Variants in MAST2 observed in about 807,000 individuals in gnomAD.
MAST2 encodes microtubule associated serine/threonine kinase 2.
A neutral mutation model predicts 147.4 loss-of-function variants in MAST2; 70 were observed. The observed-to-expected ratio is 0.47, with a 90% CI of 0.39 to 0.58. The LOEUF (loss-of-function observed/expected upper bound fraction) is 0.58. MAST2 is among the 20% of genes least tolerant of loss of function. The pLI, the probability that MAST2 is intolerant of heterozygous loss-of-function variation, is 0.00. For synonymous variants in MAST2, 869 were observed against 896.8 expected, an observed-to-expected ratio of 0.97 and a Z score of 0.55; for missense variants, 2,080 against 2,302.3, an observed-to-expected ratio of 0.90 and a Z score of 1.98.
intron 4 of MAST2, among the ~76,000 whole-genome samples, chr1:45,950,424 C>T (rs1159300907): frequency 6.6e-6 from 1 of 152,158 alleles, no homozygotes; most frequent in Non-Finnish European, 1.5e-5. Context: ...AAACCACTGG[C>T]ATGTACAGAT....
chr1:46,030,392 A>C, intron 21 of MAST2, 154 bp downstream of exon 21: 2 of 837,162 alleles, frequency 2.4e-6, no homozygotes, highest in Middle Eastern at 7.2e-4. Context: ...ATATAGCTAT[A>C]TATAGGTGCT....
chr1:45,805,319 C>T (rs551104758), intron 1 of MAST2, among the ~76,000 whole-genome samples: 2 of 152,150 alleles, frequency 1.3e-5, no homozygotes, highest in South Asian at 2.1e-4. Flanking sequence ...CCAGTGTGCC[C>T]GGCCCTTTAG....
At chr1:45,895,314 T>A (rs1017364837) in intron 4 of MAST2, among the ~76,000 whole-genome samples, 4 of 152,198 alleles carry the variant, frequency 2.6e-5, no homozygotes, top group East Asian at 1.9e-4. Flanking sequence ...GTTTTTTTTT[T>A]ATGGGCATAT....
At chr1:45,925,324 T>G (rs951097000) in intron 4 of MAST2, among the ~76,000 whole-genome samples, 2 of 152,240 alleles carry the variant, frequency 1.3e-5, no homozygotes, top group Admixed American at 6.5e-5. Flanking sequence ...AGCTCTTAAG[T>G]GTCTCAGATG....
intron 3 of MAST2, among the ~76,000 whole-genome samples, chr1:45,833,365 G>T (rs575235847): frequency 3.5e-5 from 5 of 140,918 alleles, no homozygotes; most frequent in Non-Finnish European, 6.1e-5. Context: ...GGAGAACTTA[G>T]GTGGAATATT....
chr1:45,940,559 C>T (rs1212628532), intron 4 of MAST2, among the ~76,000 whole-genome samples: 4 of 151,134 alleles, frequency 2.6e-5, no homozygotes, highest in Admixed American at 6.6e-5. Context: ...AATGTAATTT[C>T]GGGCATACAA....
chr1:45,939,602 G>A (rs1434305489), intron 4 of MAST2, among the ~76,000 whole-genome samples: 3 of 151,402 alleles, frequency 2.0e-5, no homozygotes, highest in Admixed American at 6.6e-5. Context: ...GTGCAATAGC[G>A]CGATCTCAGC....
intron 1 of MAST2, among the ~76,000 whole-genome samples, chr1:45,811,561 G>C (rs1163935475): frequency 1.3e-5 from 2 of 149,618 alleles, no homozygotes; most frequent in Non-Finnish European, 3.0e-5. Context: ...GGATGGTCTC[G>C]ATCTCCTGAC....
chr1:45,920,535 G>C (rs1653295062), intron 4 of MAST2, among the ~76,000 whole-genome samples: 1 of 152,136 alleles, frequency 6.6e-6, no homozygotes. Context: ...TCTGATCTCT[G>C]ATTCCCCATA....
chr1:46,017,359 A>C (rs571217686), intron 10 of MAST2, among the ~76,000 whole-genome samples: 25 of 152,366 alleles, frequency 1.6e-4, no homozygotes, highest in African/African-American at 6.0e-4. Context: ...GCTGCACAGC[A>C]AAAGAAACTA....
At chr1:45,871,898 ATTGAT>A (rs1374326879) in intron 3 of MAST2, among the ~76,000 whole-genome samples, 2 of 151,884 alleles carry the variant, frequency 1.3e-5, no homozygotes, top group Admixed American at 1.3e-4. Flanking sequence ...TTTTTTCATC[ATTGAT>A]TTGTTTGTTT....
At chr1:45,838,624 C>T (rs932542600) in intron 3 of MAST2, among the ~76,000 whole-genome samples, 36 of 152,144 alleles carry the variant, frequency 2.4e-4, no homozygotes, top group Non-Finnish European at 2.8e-4. Flanking sequence ...CAGGAATCTT[C>T]GTATATTCTG....
At chr1:45,853,566 CTGGTG>C (rs902191212) in intron 3 of MAST2, among the ~76,000 whole-genome samples, 5 of 152,000 alleles carry the variant, frequency 3.3e-5, no homozygotes, top group Non-Finnish European at 7.4e-5. Context: ...GTTGACCAGG[CTGGTG>C]TTGAACTCCT....
intron 25 of MAST2, 78 bp downstream of exon 25, chr1:46,032,482 C>A: frequency 1.3e-6 from 2 of 1,598,284 alleles, no homozygotes; most frequent in African/African-American, 1.3e-5. Context: ...CCCATCTGTC[C>A]CTGCTCGGGG....
At chr1:45,886,805 G>T (rs941597082) in intron 4 of MAST2, among the ~76,000 whole-genome samples, 6 of 152,052 alleles carry the variant, frequency 3.9e-5, no homozygotes, top group African/African-American at 1.4e-4. Flanking sequence ...TTTCAAATAG[G>T]ATTGTTTCTT....
At chr1:46,022,561 C>A (rs1323179302) in intron 12 of MAST2, among the ~76,000 whole-genome samples, 1 of 149,842 alleles carries the variant, frequency 6.7e-6, no homozygotes, top group Non-Finnish European at 1.5e-5. Context: ...CTCCTGCCTT[C>A]TGTGCTTCCC....
At chr1:45,862,688 T>A (rs1646021578) in intron 3 of MAST2, among the ~76,000 whole-genome samples, 1 of 152,178 alleles carries the variant, frequency 6.6e-6, no homozygotes, top group Non-Finnish European at 1.5e-5. Flanking sequence ...CAGGCTGGTC[T>A]CGAACTCCTG....
At chr1:46,033,723 C>G in intron 26 of MAST2, 79 bp from the exon 27 acceptor site, 1 of 1,562,516 alleles carries the variant, frequency 6.4e-7, no homozygotes, top group East Asian at 2.3e-5. Context: ...TATAGCCATG[C>G]CAGAAGGGAA....
chr1:46,000,669 G>T (rs1022394115), intron 6 of MAST2, among the ~76,000 whole-genome samples: 2 of 152,164 alleles, frequency 1.3e-5, no homozygotes, highest in African/African-American at 4.8e-5. Flanking sequence ...GCTGGTTATT[G>T]GTGGGATGGG....
Sources: gnomAD v4.1 joint callset for allele counts (sites outside exome capture counted in the v4.1 genomes callset) on GRCh38, gnomAD v4.1.1 for gene constraint, MANE v1.5 for transcripts, NCBI Gene and HGNC (gene_info 2026-07-23, HGNC 2026-07-21) for gene names.